DNAI2: variants seen among roughly 807,000 people sequenced by gnomAD.
The protein encoded by DNAI2 is dynein, axonemal, intermediate polypeptide 2.
A neutral mutation model predicts 74.7 loss-of-function variants in DNAI2; 63 were observed. The observed-to-expected ratio is 0.84, with a 90% CI of 0.69 to 1.04. The LOEUF is 1.04. Among genes scored for constraint, DNAI2 ranks in the 50% least tolerant of loss-of-function variants. DNAI2 has a pLI of 0.00. For missense variants in DNAI2, 688 were observed against 803.2 expected (o/e 0.86, Z 1.73); for synonymous variants, 289 against 314.9 (o/e 0.92, Z 0.87).
chr17:74,289,809 G>A, intron 5 of DNAI2, 73 bp downstream of exon 5: 2 of 1,596,508 alleles, frequency 1.3e-6, no homozygotes, highest in Non-Finnish European at 1.7e-6. Flanking sequence ...GGAGCGGGAG[G>A]GAGGGGCAGG....
At chr17:74,288,887 G>T (rs557040349) in intron 4 of DNAI2, among the ~76,000 whole-genome samples, 3 of 152,194 alleles carry the variant, frequency 2.0e-5, no homozygotes, top group Non-Finnish European at 4.4e-5. Flanking sequence ...GGGGAAGCCT[G>T]TGGACCTGGG....
In DNAI2 at chr17:74,285,946, T is replaced by TACAC. The variant is rs140598637; in HGVS notation, c.345+755_345+758dup. ...CAGGAAGAAGGAGATGAGTGCCATA[T>TACAC]ACACACACACACATATATATATATA... On this transcript the variant is annotated intron_variant, in intron 3 of 13. Transcript: ENST00000311014. Among the ~76,000 whole-genome samples, 626 of 137,998 alleles carry TACAC rather than the reference T, an allele frequency of 4.5e-3. 3 individuals carry two copies. Among genetic ancestry groups the TACAC allele is most frequent in the East Asian group, 0.012 (50 of 4,250 alleles). 90.5% of individuals were successfully genotyped at this position (137,998 alleles called of 152,430 possible).
At chr17:74,288,843 G>A (rs891771257) in intron 4 of DNAI2, among the ~76,000 whole-genome samples, 1 of 152,192 alleles carries the variant, frequency 6.6e-6, no homozygotes, top group Non-Finnish European at 1.5e-5. Context: ...GAGATGAGCA[G>A]GAGGCTGGAA....
chr17:74,285,125 T>G lies in DNAI2; in HGVS notation c.269T>G (p.Leu90Arg). 6.2e-7 allele frequency: 1 copy of G among 1,614,234 alleles called. No homozygotes were observed. Among genetic ancestry groups the G allele is most frequent in the East Asian group, 2.2e-5 (1 of 44,890 alleles). Residue 90 changes from leucine to arginine, a missense_variant, in exon 3 of 14, where the codon CTG becomes CGG. Physicochemically the swap from Leu to Arg is moderately radical, Grantham distance 102. Transcript: ENST00000311014. The part of the protein sequence containing the change: ...GWPKDVNPLE[L>R]EQTIRFRKKV... ...CCCAAGGACGTGAACCCCCTGGAGC[T>G]GGAGCAGACCATCCGTTTCCGGAAG...
At chr17:74,309,496 T>C in intron 10 of DNAI2, 108 bp downstream of exon 10, 1 of 1,499,588 alleles carries the variant, frequency 6.7e-7, no homozygotes, top group Non-Finnish European at 9.2e-7. Flanking sequence ...TGGCCAGGTG[T>C]GTTTGGGCCT....
rs1434545667 is a variant in DNAI2, at chr17:74,305,205, C to T, written c.988-14C>T. ...TTCGTGGAGTCTTCCCCTCCTGTGT[C>T]ACTCCTTCCACAGCCCACCAAGTTC... On this transcript the variant is annotated splice_polypyrimidine_tract_variant and intron_variant, in intron 8 of 13. Transcript: ENST00000311014. 6.2e-7 allele frequency: 1 copy of T among 1,613,100 alleles called. No homozygotes were observed. The highest frequency in any genetic ancestry group is 8.5e-7 in the Non-Finnish European group (1 of 1,179,226).
At chr17:74,304,664 A>G (rs1233295306) in intron 8 of DNAI2, among the ~76,000 whole-genome samples, 3 of 152,148 alleles carry the variant, frequency 2.0e-5, no homozygotes, top group Non-Finnish European at 4.4e-5. Context: ...GTGCCCCTCA[A>G]AGAGCTCACC....
At chr17:74,299,953 C>T in intron 7 of DNAI2, 96 bp downstream of exon 7, 3 of 1,544,682 alleles carry the variant, frequency 1.9e-6, no homozygotes, top group South Asian at 2.3e-5. Flanking sequence ...TTTCCTTTAA[C>T]ACATTTTATT....
At chr17:74,299,239 G>A (rs2052618285) in intron 6 of DNAI2, among the ~76,000 whole-genome samples, 1 of 152,164 alleles carries the variant, frequency 6.6e-6, no homozygotes, top group Admixed American at 6.5e-5. Flanking sequence ...GAGGTACAAA[G>A]GATAAGAGGA....
Position 74,310,075 on chromosome 17 carries a change from G to A in DNAI2, c.1406G>A (p.Cys469Tyr), listed in dbSNP as rs1213451606. The stretch of plus-strand genomic sequence containing the variant: ...CAGGACAATGGGTGTCTCATCGCCT[G>A]CGGCTCCCAGCTGGGGACAACCACC... ...RVQDNGCLIACGSQLGTTTLL... is the reference protein window; with the variant it reads ...RVQDNGCLIAYGSQLGTTTLL... The change falls in exon 11 of 14, where the codon TGC becomes TAC. Residue 469 changes from cysteine to tyrosine, a missense_variant. Transcript: ENST00000311014. 6.2e-7 allele frequency: 1 copy of A among 1,613,900 alleles called. No individual in the cohort carries two copies. Among genetic ancestry groups the A allele is most frequent in the East Asian group, 2.2e-5 (1 of 44,886 alleles).
At chr17:74,289,791 C>A (rs2051974404) in intron 5 of DNAI2, 55 bp downstream of exon 5, 2 of 1,610,674 alleles carry the variant, frequency 1.2e-6, no homozygotes, top group South Asian at 1.1e-5. Context: ...GGGACCAGCA[C>A]AAGTGGAGGA....
chr17:74,293,115 G>C (rs1313653975), intron 6 of DNAI2, among the ~76,000 whole-genome samples: 1 of 152,170 alleles, frequency 6.6e-6, no homozygotes, highest in Non-Finnish European at 1.5e-5. Context: ...TAACAGGCGT[G>C]AGCCACCGCA....
intron 6 of DNAI2, among the ~76,000 whole-genome samples, chr17:74,297,863 C>T (rs2052540450): frequency 6.6e-6 from 1 of 152,328 alleles, no homozygotes; most frequent in Non-Finnish European, 1.5e-5. Context: ...CCTCTCTGCT[C>T]TGTATGTTCT....
chr17:74,311,614 A>AAAAAC (rs1016215263), intron 11 of DNAI2, among the ~76,000 whole-genome samples: 1 of 152,172 alleles, frequency 6.6e-6, no homozygotes, highest in African/African-American at 2.4e-5. Context: ...ACTCTGTCTC[A>AAAAAC]AAAACAAAAC....
Position 74,281,889 on chromosome 17 carries a change from GGCCGA to G in DNAI2, c.75_79del (p.Leu27HisfsTer8). The G allele has an allele frequency of 6.2e-7, 1 of 1,614,182 alleles. No homozygotes were observed. The highest frequency in any genetic ancestry group is 8.5e-7 in the Non-Finnish European group (1 of 1,180,048). On this transcript the variant is annotated frameshift_variant, in exon 2 of 14. Transcript: ENST00000311014. LOFTEE classifies it high-confidence loss of function. ...AGCAGTGCAATTTCTCGGACCGCCA[GGCCGA>G]GCTGAACATCGACATCATGCCCAAC... is the stretch of plus-strand genomic sequence containing the variant.
intron 1 of DNAI2, among the ~76,000 whole-genome samples, chr17:74,280,031 T>A (rs976429187): frequency 3.9e-5 from 6 of 152,150 alleles, no homozygotes. Context: ...AAAGTGCAGG[T>A]GGCTGGCAGA....
At chr17:74,299,311 G>A (rs767015710) in intron 6 of DNAI2, among the ~76,000 whole-genome samples, 9 of 152,130 alleles carry the variant, frequency 5.9e-5, no homozygotes, top group Non-Finnish European at 1.3e-4. Flanking sequence ...TTTTCCCTAC[G>A]TTAGGGACTC....
chr17:74,285,946 T>C (rs1332178923), intron 3 of DNAI2, among the ~76,000 whole-genome samples: 5 of 137,916 alleles, frequency 3.6e-5, no homozygotes, highest in East Asian at 2.3e-4. Flanking sequence ...GAGTGCCATA[T>C]ACACACACAC....
At chr17:74,295,929 G>A (rs920952719) in intron 6 of DNAI2, among the ~76,000 whole-genome samples, 2 of 152,150 alleles carry the variant, frequency 1.3e-5, no homozygotes, top group Non-Finnish European at 2.9e-5. Flanking sequence ...GGCTCTGTGT[G>A]CGTGTGTGAG....
Sources: gnomAD v4.1 joint callset for allele counts (sites outside exome capture counted in the v4.1 genomes callset) on GRCh38, gnomAD v4.1.1 for gene constraint, MANE v1.5 for transcripts, NCBI Gene and HGNC (gene_info 2026-07-23, HGNC 2026-07-21) for gene names.